The following NBEAL2 variants were observed in gnomAD, a reference collection of about 807,000 sequenced individuals.
The protein encoded by NBEAL2 is neurobeachin-like protein 2.
Under a neutral mutation model 299.8 loss-of-function variants are expected in NBEAL2, and 160 were observed. The observed-to-expected ratio is 0.53, with a 90% CI of 0.47 to 0.61. The LOEUF (loss-of-function observed/expected upper bound fraction) is 0.61, where lower values mean the gene tolerates loss of function less well. NBEAL2 is among the 20% of genes least tolerant of loss of function. NBEAL2 has a pLI of 0.00. For synonymous variants in NBEAL2, 1,493 were observed against 1,542.3 expected, an observed-to-expected ratio of 0.97 and a Z score of 0.75; for missense variants, 3,112 against 3,649.0, an observed-to-expected ratio of 0.85 and a Z score of 3.79.
At position 46,997,711 on chromosome 3, in the gene NBEAL2, C is replaced by T. The variant is rs1220039713; in HGVS notation, c.2958+17C>T. ...CTGCGAAAGGTGGGGCCCGGTGGGA[C>T]AGGCATGGGGGTTAGGGGTATGGTC... On this transcript the variant is annotated intron_variant, in intron 20 of 53. Transcript: ENST00000450053. 7 of 1,495,680 alleles carry T rather than the reference C, an allele frequency of 4.7e-6. No individual in the cohort carries two copies. Among genetic ancestry groups the T allele is most frequent in the Non-Finnish European group, 6.3e-6 (7 of 1,119,628 alleles). The allele number at this position is 1,495,680 out of a possible 1,614,324, so 92.7% of individuals were successfully genotyped here. A position where few individuals can be genotyped will look rare whatever the true frequency, so the allele number is the denominator to read the frequency against.
chr3:46,988,321 C>A lies in NBEAL2; in HGVS notation c.52-348C>A, dbSNP rs995621954. On this transcript the variant is annotated intron_variant, in intron 1 of 53. Transcript: ENST00000450053. The surrounding 1 kb of genome is among the most constrained non-coding windows in gnomAD (Gnocchi z 4.4). Reference sequence around the variant, plus strand: ...TCTCCAGCCCTAGCACCAGTGTGGGCCACAGCCACACCCCACTTACGCCCC... The same window carrying A: ...TCTCCAGCCCTAGCACCAGTGTGGGACACAGCCACACCCCACTTACGCCCC... Among the ~76,000 whole-genome samples the A allele has an allele frequency of 2.0e-5, 3 of 152,108 alleles. No individual in the cohort carries two copies. The highest frequency in any genetic ancestry group is 4.4e-5 in the Non-Finnish European group (3 of 68,006).
chr3:46,997,190 TCTG>T, intron 18 of NBEAL2, 66 bp from the exon 19 acceptor site: 1 of 1,590,342 alleles, frequency 6.3e-7, no homozygotes, highest in Non-Finnish European at 8.6e-7. Flanking sequence ...TTCTGGGTGG[TCTG>T]CTGGGGTGGA....
intron 6 of NBEAL2, among the ~76,000 whole-genome samples, chr3:46,990,012 T>C (rs937671444): frequency 6.6e-6 from 1 of 152,122 alleles, no homozygotes; most frequent in African/African-American, 2.4e-5. Flanking sequence ...AGGACAGCTG[T>C]GGCTGCCTGT....
Position 46,989,794 on chromosome 3 carries a change from G to A in NBEAL2, c.556+201G>A, listed in dbSNP as rs1391573018. Among the ~76,000 whole-genome samples the A allele has an allele frequency of 6.6e-6, 1 of 152,122 alleles. No individual in the cohort carries two copies. The highest frequency in any genetic ancestry group is 2.4e-5 in the African/African-American group (1 of 41,412). The stretch of plus-strand genomic sequence containing the variant: ...GAGCGAGGGCCTCCCATCAGGTGGA[G>A]GGGTGGGGTCAACCTGCCTACCCAG... On this transcript the variant is annotated intron_variant, in intron 6 of 53. Transcript: ENST00000450053. This position sits in a 1 kb window ranked among gnomAD's most constrained non-coding sequence, Gnocchi z 5.5.
chr3:46,989,405 G>T lies in NBEAL2; in HGVS notation c.473+24G>T, dbSNP rs771042571. 1 of 1,569,736 alleles carries T rather than the reference G, an allele frequency of 6.4e-7. No homozygotes were observed. Among genetic ancestry groups the T allele is most frequent in the Admixed American group, 1.9e-5 (1 of 52,846 alleles). ...GGGTGAGACCCAGCCCACAGGAAGG[G>T]AACCCAGAGGAGGGTGGGGAGAGGA... On this transcript the variant is annotated intron_variant, in intron 5 of 53. Coordinates refer to ENST00000450053, the MANE Select transcript of NBEAL2 (RefSeq NM_015175.3). The surrounding 1 kb of genome is among the most constrained non-coding windows in gnomAD (Gnocchi z 5.5).
At chr3:47,008,717 G>C (rs374916024) in intron 52 of NBEAL2, 49 bp downstream of exon 52, 19 of 1,606,934 alleles carry the variant, frequency 1.2e-5, no homozygotes. Flanking sequence ...GGTGGTCATT[G>C]GTGTAGGATA....
At chr3:46,994,120 C>G in intron 11 of NBEAL2, 100 bp downstream of exon 11, 2 of 1,272,448 alleles carry the variant, frequency 1.6e-6, no homozygotes, top group Non-Finnish European at 2.2e-6. Context: ...GCATCCTGCT[C>G]CCTGGAGCAA....
chr3:46,988,635 G>GC lies in NBEAL2; in HGVS notation c.52-28dup, dbSNP rs1436659426. On this transcript the variant is annotated intron_variant, in intron 1 of 53. Transcript: ENST00000450053. The surrounding 1 kb of genome is among the most constrained non-coding windows in gnomAD (Gnocchi z 4.4). ...CTGCCCTGTTTACTGCATCCCTCCT[G>GC]CCCCCCACCACTGTTCCCCTGTTCT... 5.1e-6 allele frequency: 8 copies of GC among 1,581,702 alleles called. No individual in the cohort carries two copies. In the South Asian group the frequency reaches 5.5e-5, roughly 11 times the overall value.
chr3:47,008,787 C>A (rs2037657715), intron 52 of NBEAL2, 119 bp downstream of exon 52: 2 of 1,492,026 alleles, frequency 1.3e-6, no homozygotes, highest in Non-Finnish European at 1.8e-6. Flanking sequence ...AGGTTTGTTA[C>A]CTGTCCCTTC....
rs1575617413 is a variant in NBEAL2, at chr3:47,002,792, T to G, written c.5449T>G (p.Trp1817Gly). 1 of 1,292,074 alleles carries G rather than the reference T, an allele frequency of 7.7e-7. No homozygotes were observed. Among genetic ancestry groups the G allele is most frequent in the Non-Finnish European group, 1.0e-6 (1 of 991,610 alleles). 80.0% of individuals were successfully genotyped at this position (1,292,074 alleles called of 1,614,324 possible). A position where few individuals can be genotyped will look rare whatever the true frequency, so the allele number is the denominator to read the frequency against. ...WRQLASPCGA[W>G]ALRDTPIPRW... ...CCAGCTCGCCAGCCCATGTGGGGCC[T>G]GGGCGCTGAGGTGGGCCGGGCTTGG... The change falls in exon 33 of 54, where the codon TGG becomes GGG. Residue 1817 changes from tryptophan (W) to glycine (G), a missense_variant. Trp to Gly is a radical substitution (Grantham distance 184, BLOSUM62 -2). Transcript: ENST00000450053.
Position 46,995,141 on chromosome 3 carries a change from T to C in NBEAL2, c.1406T>C (p.Leu469Pro), listed in dbSNP as rs1485900227. 2 of 1,575,534 alleles carry C rather than the reference T, an allele frequency of 1.3e-6. No individual in the cohort carries two copies. Among genetic ancestry groups the C allele is most frequent in the Non-Finnish European group, 1.7e-6 (2 of 1,160,986 alleles). ...TCATTGCCCACCGCTGAGCTGCGGC[T>C]CTTCCTAGCGCAACGCCTCAGGTGG... ...LPSLPTAELR[L>P]FLAQRLRWLC... is the part of the protein sequence containing the mutation. Residue 469 changes from leucine to proline, a missense_variant, in exon 13 of 54, where the codon CTC becomes CCC. Physicochemically the swap from Leu to Pro is moderately conservative, Grantham distance 98. This residue lies in a region of NBEAL2 where 2,243 missense variants were observed against 2,538.1 expected (regional missense o/e 0.88). Coordinates refer to ENST00000450053, the MANE Select transcript of NBEAL2 (RefSeq NM_015175.3).
chr3:47,007,646 G>A lies in NBEAL2; in HGVS notation c.7456G>A (p.Val2486Met), dbSNP rs1158380531. 3.1e-6 allele frequency: 5 copies of A among 1,611,438 alleles called. No individual in the cohort carries two copies. Among genetic ancestry groups the A allele is most frequent in the Admixed American group, 1.7e-5 (1 of 59,672 alleles). Residue 2486 changes from valine to methionine, a missense_variant, in exon 48 of 54, where the codon GTG (valine) becomes ATG (methionine). Physicochemically the swap from Val to Met is conservative, Grantham distance 21 (BLOSUM62 1). Around this residue, in one of 3 missense-constraint regions of NBEAL2, gnomAD observed 348 missense variants for 381.4 expected, o/e 0.91. Coordinates refer to ENST00000450053, the MANE Select transcript of NBEAL2 (RefSeq NM_015175.3). Reference sequence around the variant, plus strand: ...TGGCCACTGGGATGGCAGCCTGCGGGTGACTGCACTACCCCGTGGCAAGCT... The same window carrying A: ...TGGCCACTGGGATGGCAGCCTGCGGATGACTGCACTACCCCGTGGCAAGCT... ...SGGHWDGSLR[V>M]TALPRGKLLS...
In NBEAL2 at chr3:47,004,185, A is replaced by G. The variant is rs199642369; in HGVS notation, c.5990A>G (p.Asn1997Ser). The change falls in exon 37 of 54, where the codon AAC (asparagine) becomes AGC (serine). Residue 1997 changes from asparagine to serine, a missense_variant. Around this residue, in one of 3 missense-constraint regions of NBEAL2, gnomAD observed 521 missense variants for 729.6 expected, o/e 0.71. Transcript: ENST00000450053. This position sits in a 1 kb window ranked among gnomAD's most constrained non-coding sequence, Gnocchi z 5.0. ...GAGCTCTTCTTTATCGATCAGGCCA[A>G]CTACTTCCTCAACTTCCCATGCAAG... ...ALELFFIDQA[N>S]YFLNFPCKVG... The G allele has an allele frequency of 7.6e-5, 122 of 1,613,764 alleles. No individual in the cohort carries two copies. The highest frequency in any genetic ancestry group is 1.0e-4 in the Non-Finnish European group (120 of 1,179,806).
rs756680465 is a variant in NBEAL2, at chr3:47,007,079, G to A, written c.7148G>A (p.Gly2383Asp). ...KAFFAEVVSDGVPLVLALVPH... is the reference protein window; with the variant it reads ...KAFFAEVVSDDVPLVLALVPH... ...TTGCCCCTGCAGGTTGTCAGTGATG[G>A]TGTACCCCTGGTGCTAGCCCTGGTC... The change falls in exon 46 of 54, where the codon GGT becomes GAT. Residue 2383 changes from glycine (G) to aspartate (D), a missense_variant. Physicochemically the swap from Gly to Asp is moderately conservative, Grantham distance 94 (BLOSUM62 -1). Around this residue, in one of 3 missense-constraint regions of NBEAL2, gnomAD observed 521 missense variants for 729.6 expected, o/e 0.71. Coordinates refer to ENST00000450053, the MANE Select transcript of NBEAL2 (RefSeq NM_015175.3). 7.4e-6 allele frequency: 12 copies of A among 1,611,740 alleles called. No individual in the cohort carries two copies. The Admixed American group carries it at 2.0e-4, about 27-fold the overall frequency.
rs748852931 is a variant in NBEAL2 at position 46,995,029 on chromosome 3, C to T, written c.1297-3C>T. Reference sequence around the variant, plus strand: ...CAGGGACTGTCATTCTCTCCACCCACAGGCTGTGGAGGGTGACCACAGCAT... The same window carrying T: ...CAGGGACTGTCATTCTCTCCACCCATAGGCTGTGGAGGGTGACCACAGCAT... On this transcript the variant is annotated splice_polypyrimidine_tract_variant and splice_region_variant and intron_variant, in intron 12 of 53. Transcript: ENST00000450053. 1 of 1,537,962 alleles carries T rather than the reference C, an allele frequency of 6.5e-7. No individual in the cohort carries two copies. The highest frequency in any genetic ancestry group is 8.8e-7 in the Non-Finnish European group (1 of 1,134,154).
Position 46,995,045 on chromosome 3 carries a change from ACCACAG to A in NBEAL2, c.1312_1317del (p.His438_Ser439del). The A allele has an allele frequency of 6.5e-7, 1 of 1,546,318 alleles. No homozygotes were observed. Among genetic ancestry groups the A allele is most frequent in the African/African-American group, 1.4e-5 (1 of 73,484 alleles). On this transcript the variant is annotated inframe_deletion, in exon 13 of 54. Transcript: ENST00000450053. Reference sequence around the variant, plus strand: ...CTCCACCCACAGGCTGTGGAGGGTGACCACAGCATGTGCCCACCTCCACCAATCCGC... The same window carrying A: ...CTCCACCCACAGGCTGTGGAGGGTGACATGTGCCCACCTCCACCAATCCGC...
At chr3:46,996,708 C>A in intron 16 of NBEAL2, 43 bp from the exon 17 acceptor site, 2 of 1,592,738 alleles carry the variant, frequency 1.3e-6, no homozygotes, top group South Asian at 1.1e-5. Context: ...TGGGGTTTGG[C>A]CAGAGGCCTA....
Position 47,000,890 on chromosome 3 carries a change from C to T in NBEAL2, c.4306-111C>T. The T allele has an allele frequency of 6.8e-7, 1 of 1,475,830 alleles. No individual in the cohort carries two copies. Among genetic ancestry groups the T allele is most frequent in the Non-Finnish European group, 9.2e-7 (1 of 1,090,008 alleles). The allele number at this position is 1,475,830 out of a possible 1,614,324, so 91.4% of individuals were successfully genotyped here. A position where few individuals can be genotyped will look rare whatever the true frequency, so the allele number is the denominator to read the frequency against. On this transcript the variant is annotated intron_variant, in intron 27 of 53. Transcript: ENST00000450053. The surrounding 1 kb of genome is among the most constrained non-coding windows in gnomAD (Gnocchi z 4.5). ...TCACTGTTAGCCAAATGCTCTGACTCCTGGGTGGCTACCCCAGGAGGGGTG... is the reference window on the plus strand; with the variant it reads ...TCACTGTTAGCCAAATGCTCTGACTTCTGGGTGGCTACCCCAGGAGGGGTG...
chr3:47,002,754 G>T lies in NBEAL2; in HGVS notation c.5411G>T (p.Gly1804Val). The stretch of plus-strand genomic sequence containing the variant: ...CACTCCATGGCCCTGCTGCACTGGG[G>T]GGCGCTGTGGCGCCAGCTCGCCAGC... ...TQHSMALLHWGALWRQLASPC... is the reference protein window; with the variant it reads ...TQHSMALLHWVALWRQLASPC... Residue 1804 changes from glycine to valine, a missense_variant, in exon 33 of 54, where the codon GGG becomes GTG. Physicochemically the swap from Gly to Val is moderately radical, Grantham distance 109. Around this residue, in one of 3 missense-constraint regions of NBEAL2, gnomAD observed 2,243 missense variants for 2,538.1 expected, o/e 0.88. Transcript: ENST00000450053. 1 of 1,575,612 alleles carries T rather than the reference G, an allele frequency of 6.3e-7. No homozygotes were observed. The highest frequency in any genetic ancestry group is 2.3e-5 in the East Asian group (1 of 43,460).
Sources: allele counts gnomAD v4.1 joint callset (sites outside exome capture counted in the v4.1 genomes callset), GRCh38; gene constraint gnomAD v4.1.1; regional missense constraint gnomAD v4.1.1; non-coding constraint Gnocchi (gnomAD v3.1); transcripts MANE v1.5; gene names NCBI Gene and HGNC (gene_info 2026-07-23, HGNC 2026-07-21).